Variants in SPATA7 observed in about 807,000 individuals in gnomAD.
SPATA7 encodes spermatogenesis-associated protein 7.
A neutral mutation model predicts 51.8 loss-of-function variants in SPATA7; 43 were observed. The observed-to-expected ratio is 0.83, with a 90% confidence interval of 0.65 to 1.07. The LOEUF (loss-of-function observed/expected upper bound fraction) is 1.07, where lower values mean the gene tolerates loss of function less well. Ranked by LOEUF, SPATA7 falls within the 50% of genes least tolerant of loss-of-function variation. The probability of loss-of-function intolerance (pLI) is 0.00; values close to 1 mark genes in which losing one functional copy is unlikely to be tolerated. For missense variants in SPATA7, 683 were observed against 701.3 expected (o/e 0.97, Z 0.30); for synonymous variants, 230 against 252.8 (o/e 0.91, Z 0.86).
intron 4 of SPATA7, among the ~76,000 whole-genome samples, chr14:88,403,389 A>G (rs1027150765): frequency 2.6e-5 from 4 of 152,254 alleles, no homozygotes; most frequent in Admixed American, 6.5e-5. Context: ...TTACAGCATT[A>G]TAGCAAATAG....
At chr14:88,421,810 A>T (rs1306291032) in intron 5 of SPATA7, among the ~76,000 whole-genome samples, 1 of 152,006 alleles carries the variant, frequency 6.6e-6, no homozygotes, top group Non-Finnish European at 1.5e-5. Flanking sequence ...TTAGCTGGGC[A>T]TGGTGGCATG....
intron 3 of SPATA7, among the ~76,000 whole-genome samples, chr14:88,447,683 G>A (rs2077224021): frequency 1.3e-5 from 2 of 151,744 alleles, no homozygotes; most frequent in African/African-American, 4.8e-5. Context: ...AGGCCTGGTG[G>A]TGACAAAATC....
chr14:88,423,427 G>A (rs2076700313), intron 5 of SPATA7, among the ~76,000 whole-genome samples: 1 of 148,742 alleles, frequency 6.7e-6, no homozygotes, highest in Non-Finnish European at 1.5e-5. Flanking sequence ...ATGATGGTGT[G>A]TATCTGTTGT....
At chr14:88,423,374 C>CAA (rs59070171) in intron 5 of SPATA7, among the ~76,000 whole-genome samples, 3,103 of 41,480 alleles carry the variant, frequency 0.075, 173 homozygotes, top group African/African-American at 0.22. Flanking sequence ...CCCATCTCTA[C>CAA]AAAAAAAAAA....
At chr14:88,459,951 T>C (rs999210739), downstream of SPATA7, among the ~76,000 whole-genome samples, 5 of 152,178 alleles carry the variant, frequency 3.3e-5, no homozygotes, top group African/African-American at 1.2e-4. Context: ...CTGTAAAGGA[T>C]TTTATTTCTC....
Position 88,437,952 on chromosome 14 carries a change from G to T in SPATA7, c.1330G>T (p.Ala444Ser), listed in dbSNP as rs1370691742. Residue 444 changes from alanine to serine, a missense_variant, in exon 12 of 12, where the codon GCT (alanine) becomes TCT (serine). By Grantham distance (99) the Ala-to-Ser change is moderately conservative. Transcript: ENST00000393545. ...DMLNVFDFEK[A>S]GNSEPNELKN... ...GTTGAATGTATTTGATTTTGAAAAG[G>T]CTGGGAATTCAGAACCAAATGAATT... The T allele has an allele frequency of 1.2e-6, 2 of 1,613,838 alleles. No individual in the cohort carries two copies. The highest frequency in any genetic ancestry group is 1.7e-5 in the Admixed American group (1 of 59,968).
rs116844740 is a variant in SPATA7, at chr14:88,469,683, C to T, written c.255-164C>T. 7.9e-3 allele frequency: 12,762 copies of T among 1,614,138 alleles called. 69 individuals carry two copies. The highest frequency in any genetic ancestry group is 9.2e-3 in the Non-Finnish European group (10,849 of 1,180,024). On this transcript the variant is annotated intron_variant, in intron 4 of 4. Coordinates refer to the SPATA7 transcript ENST00000556406. The surrounding 1 kb of genome is among the most constrained non-coding windows in gnomAD (Gnocchi z 4.3). ...ACCTTCCATAGGTGACAGTGTTGTG[C>T]CTGGAACCAAGTCGTGGCCAGTACC... is the stretch of plus-strand genomic sequence containing the variant.
chr14:88,431,637 G>A (rs2076944169), intron 9 of SPATA7, among the ~76,000 whole-genome samples: 1 of 152,032 alleles, frequency 6.6e-6, no homozygotes, highest in Admixed American at 6.6e-5. Flanking sequence ...CCAGCCTCCA[G>A]TACCTTCTGT....
chr14:88,469,389 C>A lies in SPATA7; in HGVS notation c.255-458C>A. 1 of 999,046 alleles carries A rather than the reference C, an allele frequency of 1.0e-6. No individual in the cohort carries two copies. Among genetic ancestry groups the A allele is most frequent in the Non-Finnish European group, 1.5e-6 (1 of 677,148 alleles). 61.9% of individuals were successfully genotyped at this position (999,046 alleles called of 1,614,324 possible). On this transcript the variant is annotated intron_variant, in intron 4 of 4. Transcript: ENST00000556406. The surrounding 1 kb of genome is among the most constrained non-coding windows in gnomAD (Gnocchi z 4.3). ...TGTATTCTTTATGTTAAAACAAGTC[C>A]GAAGCTTATATGAGATAACATAAAG...
intron 4 of SPATA7, among the ~76,000 whole-genome samples, chr14:88,409,180 C>A (rs938615223): frequency 6.6e-6 from 1 of 152,068 alleles, no homozygotes; most frequent in Non-Finnish European, 1.5e-5. Flanking sequence ...GGTACCAGCT[C>A]CTCTTTGTAC....
chr14:88,403,408 T>C (rs545441270), intron 4 of SPATA7, among the ~76,000 whole-genome samples: 2 of 152,144 alleles, frequency 1.3e-5, no homozygotes, highest in Non-Finnish European at 2.9e-5. Flanking sequence ...AGTCAAGATA[T>C]AGAAACAACC....
chr14:88,416,721 A>G lies in SPATA7; in HGVS notation c.249A>G (p.Gln83=), dbSNP rs1595242102. ...TGTTTTCCCTTTTAGATGCAGACCA[A>G]CAACGAAGAGAGAAACTCAAAAAGG... ...SVSTSIKYAD[Q]QRREKLKKEL... Residue 83 remains glutamine (Q), a synonymous_variant, in exon 5 of 12, where the codon CAA becomes CAG. Transcript: ENST00000393545. 3 of 1,613,350 alleles carry G rather than the reference A, an allele frequency of 1.9e-6. No homozygotes were observed. The highest frequency in any genetic ancestry group is 2.7e-5 in the African/African-American group (2 of 75,038).
rs190135470 is a variant in SPATA7, at chr14:88,414,251, C to T, written c.239-2460C>T. On this transcript the variant is annotated intron_variant, in intron 4 of 11. Coordinates refer to ENST00000393545, the MANE Select transcript of SPATA7 (RefSeq NM_018418.5). The stretch of plus-strand genomic sequence containing the variant: ...TTCGATTTTGGAACTCAGTATTTCT[C>T]TTCAGGGTTTCAATTTCTTCTGAAT... Among the ~76,000 whole-genome samples, 8 of 152,020 alleles carry T rather than the reference C, an allele frequency of 5.3e-5. No individual in the cohort carries two copies. In the East Asian group the frequency reaches 1.5e-3, roughly 29 times the overall value.
At chr14:88,446,898 T>C (rs2077217510) in intron 3 of SPATA7, among the ~76,000 whole-genome samples, 1 of 152,174 alleles carries the variant, frequency 6.6e-6, no homozygotes, top group African/African-American at 2.4e-5. Context: ...AGAGCTTTAC[T>C]TCCAAGTATG....
intron 1 of SPATA7, among the ~76,000 whole-genome samples, chr14:88,387,189 C>T (rs2075604144): frequency 6.6e-6 from 1 of 152,106 alleles, no homozygotes; most frequent in African/African-American, 2.4e-5. Flanking sequence ...TACTTACTAT[C>T]CCATGGTAGG....
chr14:88,416,996 G>A (rs2076497842), intron 5 of SPATA7, 152 bp downstream of exon 5: 5 of 644,464 alleles, frequency 7.8e-6, no homozygotes, highest in Non-Finnish European at 5.4e-6. Flanking sequence ...TCAGGCCTCT[G>A]TCACAACTAC....
At chr14:88,396,366 C>T (rs1380162610) in intron 4 of SPATA7, among the ~76,000 whole-genome samples, 163 bp downstream of exon 4, 1 of 152,124 alleles carries the variant, frequency 6.6e-6, no homozygotes, top group Non-Finnish European at 1.5e-5. Context: ...TCTCTTTATA[C>T]TGCAAAACTG....
downstream of SPATA7, among the ~76,000 whole-genome samples, chr14:88,459,166 G>T (rs963641118): frequency 6.6e-6 from 1 of 152,034 alleles, no homozygotes; most frequent in Admixed American, 6.6e-5. Context: ...TTGGAATAAG[G>T]GCAATGTGGT....
intron 5 of SPATA7, among the ~76,000 whole-genome samples, chr14:88,421,774 C>A (rs1595256981): frequency 6.6e-6 from 1 of 152,040 alleles, no homozygotes; most frequent in Non-Finnish European, 1.5e-5. Context: ...TATGGTGAAA[C>A]CCTGTCTCTG....
Sources: allele counts gnomAD v4.1 joint callset (sites outside exome capture counted in the v4.1 genomes callset), GRCh38; gene constraint gnomAD v4.1.1; non-coding constraint Gnocchi (gnomAD v3.1); transcripts MANE v1.5; gene names NCBI Gene and HGNC (gene_info 2026-07-23, HGNC 2026-07-21).